SLC6A19: variants seen among roughly 807,000 people sequenced by gnomAD.
SLC6A19 encodes sodium-dependent neutral amino acid transporter B(0)AT1.
A neutral mutation model predicts 68.3 loss-of-function variants in SLC6A19; 67 were observed. The observed-to-expected ratio is 0.98, with a 90% CI of 0.81 to 1.20. The LOEUF (loss-of-function observed/expected upper bound fraction) is 1.20. Ranked by LOEUF, SLC6A19 falls within the 50% of genes most tolerant of loss-of-function variation. The pLI is 0.00. For synonymous variants in SLC6A19, 392 were observed against 374.9 expected (o/e 1.05, Z -0.53); for missense variants, 813 against 851.6 (o/e 0.95, Z 0.56).
At chr5:1,205,031 C>T (rs1745814683) in intron 1 of SLC6A19, among the ~76,000 whole-genome samples, 1 of 152,192 alleles carries the variant, frequency 6.6e-6, no homozygotes, top group Non-Finnish European at 1.5e-5. Flanking sequence ...CCCAGTGTCT[C>T]TTTCCCTCTG....
At chr5:1,216,252 G>A (rs945668011) in intron 6 of SLC6A19, among the ~76,000 whole-genome samples, 3 of 152,314 alleles carry the variant, frequency 2.0e-5, no homozygotes, top group Non-Finnish European at 2.9e-5. Flanking sequence ...GGCACAAGAC[G>A]GGGCGGAAAG....
Position 1,223,328 on chromosome 5 carries a change from C to T in SLC6A19, c.*1424C>T, listed in dbSNP as rs1280139051. ...ATGAGCTGTGTGAATTTTTAGCCAG[C>T]CTTTGGAAAAGATGGGTTACAGGGT... On this transcript the variant is annotated 3_prime_UTR_variant, in exon 12 of 12. Transcript: ENST00000304460. 1.3e-5 allele frequency: 2 copies of T among 152,260 alleles called. No individual in the cohort carries two copies. The highest frequency in any genetic ancestry group is 2.9e-5 in the Non-Finnish European group (2 of 68,054). The allele number at this position is 152,260 out of a possible 1,614,324, so 9.4% of individuals were successfully genotyped here.
chr5:1,206,736 G>A (rs182473802), intron 1 of SLC6A19, among the ~76,000 whole-genome samples: 177 of 152,238 alleles, frequency 1.2e-3, no homozygotes, highest in Admixed American at 2.4e-3. Flanking sequence ...CCAGGGACAC[G>A]CAGCGTGAGG....
rs750989292 is a variant in SLC6A19, at chr5:1,216,900, G to A, written c.1128G>A (p.Ala376=). 26 of 1,613,454 alleles carry A rather than the reference G, an allele frequency of 1.6e-5. No homozygotes were observed. Among genetic ancestry groups the A allele is most frequent in the South Asian group, 7.7e-5 (7 of 91,086 alleles). The change falls in exon 8 of 12, where the codon GCG becomes GCA. Residue 376 remains alanine (A), a synonymous_variant. Transcript: ENST00000304460. Reference sequence around the variant, plus strand: ...ACGCCTCCGACCCCGCGGCCTACGCGCAGCTGGTGTTCCAGACCTGCGACA... The same window carrying A: ...ACGCCTCCGACCCCGCGGCCTACGCACAGCTGGTGTTCCAGACCTGCGACA... ...RCNASDPAAY[A]QLVFQTCDIN...
intron 1 of SLC6A19, among the ~76,000 whole-genome samples, chr5:1,203,498 T>C (rs1248245751): frequency 6.6e-6 from 1 of 152,154 alleles, no homozygotes; most frequent in Non-Finnish European, 1.5e-5. Flanking sequence ...GGGTCTCAGA[T>C]GGTCCCACTC....
rs374749790 is a variant in SLC6A19, at chr5:1,218,051, C to G, written c.1174-852C>G. The stretch of plus-strand genomic sequence containing the variant: ...CACCACCTCCTGCCTCCTCCCGCCT[C>G]CTCCCACCTCCTGCCCTGCACTGAA... On this transcript the variant is annotated intron_variant, in intron 8 of 11. Transcript: ENST00000304460. Among the ~76,000 whole-genome samples, 11 of 152,132 alleles carry G rather than the reference C, an allele frequency of 7.2e-5. No individual in the cohort carries two copies. The East Asian group carries it at 1.4e-3, about 19-fold the overall frequency.
At chr5:1,201,999 G>A in intron 1 of SLC6A19, 147 bp downstream of exon 1, 1 of 1,040,294 alleles carries the variant, frequency 9.6e-7, no homozygotes. Flanking sequence ...GGGGGAGCTG[G>A]GGCCCCCACG....
intron 1 of SLC6A19, among the ~76,000 whole-genome samples, chr5:1,206,432 G>C (rs986633925): frequency 9.2e-5 from 10 of 108,334 alleles, no homozygotes; most frequent in Middle Eastern, 4.4e-3. Context: ...CTGTCTCTGT[G>C]TGTGTCTCTG....
chr5:1,205,151 T>G (rs1745819009), intron 1 of SLC6A19, among the ~76,000 whole-genome samples: 1 of 152,190 alleles, frequency 6.6e-6, no homozygotes, highest in Admixed American at 6.5e-5. Flanking sequence ...CAGGGACCTT[T>G]GCAACCACGT....
At chr5:1,210,298 C>A in intron 2 of SLC6A19, 146 bp from the exon 3 acceptor site, 1 of 1,155,040 alleles carries the variant, frequency 8.7e-7, no homozygotes, top group Non-Finnish European at 1.2e-6. Context: ...TGATCCCGGC[C>A]TGCACTGGGT....
chr5:1,210,777 A>G (rs115983773), intron 3 of SLC6A19, among the ~76,000 whole-genome samples, 196 bp downstream of exon 3: 1 of 152,158 alleles, frequency 6.6e-6, no homozygotes, highest in Middle Eastern at 3.2e-3. Flanking sequence ...GTGGTGGAGG[A>G]TGAGACCCTT....
In SLC6A19 at chr5:1,219,030, G is replaced by A. The variant is rs1310830244; in HGVS notation, c.1301G>A (p.Gly434Glu). 6.2e-7 allele frequency: 1 copy of A among 1,613,880 alleles called. No individual in the cohort carries two copies. Among genetic ancestry groups the A allele is most frequent in the Non-Finnish European group, 8.5e-7 (1 of 1,180,010 alleles). Reference protein sequence around the residue: ...LFCLGLSSMFGNMEGVVVPLQ... With the variant: ...LFCLGLSSMFENMEGVVVPLQ... ...TGCCTGGGGCTGTCATCTATGTTTG[G>A]GAACATGGAGGGCGTCGTTGTGCCC... The change falls in exon 9 of 12, where the codon GGG becomes GAG. Residue 434 changes from glycine (G) to glutamate (E), a missense_variant. By Grantham distance (98) the Gly-to-Glu change is moderately conservative. Coordinates refer to ENST00000304460, the MANE Select transcript of SLC6A19 (RefSeq NM_001003841.3).
chr5:1,221,099 G>C, intron 10 of SLC6A19, 52 bp from the exon 11 acceptor site: 9 of 1,597,416 alleles, frequency 5.6e-6, no homozygotes, highest in African/African-American at 1.3e-5. Context: ...AAAGCTTAGC[G>C]AGTTGAAGCC....
Position 1,222,530 on chromosome 5 carries a change from CGT to C in SLC6A19, c.*633_*634del. 3 of 400,630 alleles carry C rather than the reference CGT, an allele frequency of 7.5e-6. No individual in the cohort carries two copies. Among genetic ancestry groups the C allele is most frequent in the Non-Finnish European group, 1.3e-5 (3 of 225,618 alleles). The allele number at this position is 400,630 out of a possible 1,614,324, so 24.8% of individuals were successfully genotyped here. On this transcript the variant is annotated 3_prime_UTR_variant, in exon 12 of 12. Coordinates refer to ENST00000304460, the MANE Select transcript of SLC6A19 (RefSeq NM_001003841.3). ...ACGTGTGTATATGTGAGCATGTGTA[CGT>C]GTGTGTATACGTGTGTTGTGTATAT...
At chr5:1,202,739 G>C (rs1745750995) in intron 1 of SLC6A19, among the ~76,000 whole-genome samples, 1 of 152,204 alleles carries the variant, frequency 6.6e-6, no homozygotes, top group African/African-American at 2.4e-5. Context: ...CTGCCCTCAG[G>C]GGGCCCTGTT....
intron 8 of SLC6A19, 116 bp from the exon 9 acceptor site, chr5:1,218,787 A>G: frequency 9.8e-7 from 1 of 1,016,326 alleles, no homozygotes; most frequent in Non-Finnish European, 1.5e-6. Flanking sequence ...ATTTCATGAC[A>G]GCTCAGACCT....
At chr5:1,213,160 C>G (rs1249122781) in intron 4 of SLC6A19, among the ~76,000 whole-genome samples, 1 of 127,660 alleles carries the variant, frequency 7.8e-6, no homozygotes, top group South Asian at 3.0e-4. Context: ...GGCCCCCCTC[C>G]GCACCATCCC....
At chr5:1,206,372 G>A (rs1561161748) in intron 1 of SLC6A19, among the ~76,000 whole-genome samples, 1 of 89,924 alleles carries the variant, frequency 1.1e-5, no homozygotes, top group African/African-American at 2.8e-5. Flanking sequence ...CTCTGTGTGT[G>A]TGTCTCTCTC....
rs1230945354 is a variant in SLC6A19 at position 1,214,871 on chromosome 5, G to A, written c.887+806G>A. On this transcript the variant is annotated intron_variant, in intron 6 of 11. Coordinates refer to ENST00000304460, the MANE Select transcript of SLC6A19 (RefSeq NM_001003841.3). This position sits in a 1 kb window ranked among gnomAD's most constrained non-coding sequence, Gnocchi z 7.4. ...GGACGGGGGCCTGGGTAGGGAGGGT[G>A]GGCCCTGGGTGTGAGGGGCGGGGCT... 6.7e-6 allele frequency among the ~76,000 whole-genome samples: 1 copy of A among 150,294 alleles called. No homozygotes were observed. Among genetic ancestry groups the A allele is most frequent in the African/African-American group, 2.5e-5 (1 of 40,698 alleles).
Sources: allele counts gnomAD v4.1 joint callset (sites outside exome capture counted in the v4.1 genomes callset), GRCh38; gene constraint gnomAD v4.1.1; non-coding constraint Gnocchi (gnomAD v3.1); transcripts MANE v1.5; gene names NCBI Gene and HGNC (gene_info 2026-07-23, HGNC 2026-07-21).